IL1RAPL1: variants seen among roughly 807,000 people sequenced by gnomAD.
The protein encoded by IL1RAPL1 is interleukin-1 receptor accessory protein-like 1.
Under a neutral mutation model 48.4 loss-of-function variants are expected in IL1RAPL1, and 3 were observed. The observed-to-expected ratio is 0.06, with a 90% confidence interval of 0.03 to 0.16. IL1RAPL1 has a LOEUF of 0.16. IL1RAPL1 is among the 10% of genes least tolerant of loss of function. The pLI, the probability that IL1RAPL1 is intolerant of heterozygous loss-of-function variation, is 1.00. For missense variants in IL1RAPL1, 349 were observed against 530.6 expected, an observed-to-expected ratio of 0.66 and a Z score of 3.36; for synonymous variants, 185 against 187.7, an observed-to-expected ratio of 0.99 and a Z score of 0.12.
At chrX:29,457,437 G>A (rs1044818513) in intron 5 of IL1RAPL1, among the ~76,000 whole-genome samples, 11 of 111,225 alleles carry the variant, frequency 9.9e-5, no homozygotes, top group African/African-American at 3.6e-4. Context: ...AGAACATGCG[G>A]TCTTTGGTTT....
At chrX:29,366,553 ATTTTTTTTTTTTTTTTT>A (rs34164964) in intron 3 of IL1RAPL1, among the ~76,000 whole-genome samples, 6 of 37,258 alleles carry the variant, frequency 1.6e-4, no homozygotes, top group Admixed American at 9.0e-4. Flanking sequence ...TGATAGGTCA[ATTTTTTTTTTTTTTTTT>A]TTTTTTTTTT....
At chrX:29,767,212 T>C (rs1411380864) in intron 6 of IL1RAPL1, among the ~76,000 whole-genome samples, 2 of 112,387 alleles carry the variant, frequency 1.8e-5, no homozygotes, top group African/African-American at 6.5e-5. Context: ...TGAAGAAGCA[T>C]GTATTTATAC....
chrX:28,863,496 A>G (rs1017144573), intron 2 of IL1RAPL1, among the ~76,000 whole-genome samples: 2 of 102,907 alleles, frequency 1.9e-5, no homozygotes, highest in African/African-American at 7.2e-5. Context: ...AGGGTTTGTT[A>G]TGAGGATTAT....
chrX:29,704,904 C>A (rs1927151895), intron 6 of IL1RAPL1, among the ~76,000 whole-genome samples: 1 of 110,616 alleles, frequency 9.0e-6, no homozygotes, highest in Non-Finnish European at 1.9e-5. Flanking sequence ...AGAATTCTAC[C>A]TTTCAATTTT....
chrX:29,858,091 T>C lies in IL1RAPL1; in HGVS notation c.779-59373T>C, dbSNP rs756489231. 5.4e-5 allele frequency among the ~76,000 whole-genome samples: 6 copies of C among 111,582 alleles called. No homozygotes were observed. In the South Asian group the frequency reaches 1.1e-3, roughly 21 times the overall value. ...TAATCCTTATGCCAAAGTGGCATAG[T>C]TGAGGGTAGCAAATTGTGCCACCCT... On this transcript the variant is annotated intron_variant, in intron 6 of 10. Coordinates refer to ENST00000378993, the MANE Select transcript of IL1RAPL1 (RefSeq NM_014271.4).
intron 2 of IL1RAPL1, among the ~76,000 whole-genome samples, chrX:28,795,190 T>A (rs1468262587): frequency 2.7e-5 from 3 of 111,595 alleles, no homozygotes; most frequent in Non-Finnish European, 5.7e-5. Context: ...GGAAAAAAAA[T>A]TCTCCTATTT....
At chrX:29,112,084 C>T (rs1374955154) in intron 2 of IL1RAPL1, among the ~76,000 whole-genome samples, 2 of 109,071 alleles carry the variant, frequency 1.8e-5, no homozygotes, top group East Asian at 5.8e-4. Flanking sequence ...CAGGCACCAC[C>T]ACGCCCGGCT....
intron 3 of IL1RAPL1, among the ~76,000 whole-genome samples, chrX:29,367,656 G>C (rs1301883753): frequency 2.8e-5 from 3 of 107,929 alleles, no homozygotes; most frequent in South Asian, 3.9e-4. Context: ...TATTGGCTCA[G>C]TGCAACCTCT....
intron 2 of IL1RAPL1, among the ~76,000 whole-genome samples, chrX:29,161,139 A>T (rs1274489192): frequency 9.0e-6 from 1 of 111,249 alleles, no homozygotes; most frequent in Non-Finnish European, 1.9e-5. Context: ...TACAGCAGGG[A>T]TACATGGCCT....
At chrX:29,862,480 A>G (rs1443012472) in intron 6 of IL1RAPL1, among the ~76,000 whole-genome samples, 6 of 111,151 alleles carry the variant, frequency 5.4e-5, no homozygotes, top group Non-Finnish European at 9.4e-5. Flanking sequence ...AGAAAGTACT[A>G]TAGGCAAAAA....
intron 2 of IL1RAPL1, among the ~76,000 whole-genome samples, chrX:29,181,220 A>T: frequency 9.0e-6 from 1 of 111,081 alleles, no homozygotes; most frequent in Admixed American, 9.6e-5. Context: ...TCTGATGAGG[A>T]TTATATAATA....
At chrX:29,733,306 G>A (rs746576121) in intron 6 of IL1RAPL1, among the ~76,000 whole-genome samples, 11 of 111,847 alleles carry the variant, frequency 9.8e-5, no homozygotes, top group African/African-American at 1.6e-4. Context: ...AAACAAGGAC[G>A]ACTTCTTCCT....
chrX:29,748,922 A>G (rs996456673), intron 6 of IL1RAPL1, among the ~76,000 whole-genome samples: 4 of 112,597 alleles, frequency 3.6e-5, no homozygotes, highest in Non-Finnish European at 5.6e-5. Flanking sequence ...AAAAGTCTGG[A>G]GACAGATTGA....
intron 5 of IL1RAPL1, among the ~76,000 whole-genome samples, chrX:29,531,552 A>G (rs1023684646): frequency 8.9e-6 from 1 of 111,884 alleles, no homozygotes; most frequent in African/African-American, 3.3e-5. Flanking sequence ...CATGAATGAA[A>G]CCGAACGCAG....
intron 3 of IL1RAPL1, among the ~76,000 whole-genome samples, chrX:29,312,011 A>G (rs1007146485): frequency 8.9e-6 from 1 of 112,166 alleles, no homozygotes; most frequent in African/African-American, 3.2e-5. Context: ...ATCAAGAGAT[A>G]ATTACACACA....
intron 3 of IL1RAPL1, among the ~76,000 whole-genome samples, chrX:29,357,245 A>G (rs1933317624): frequency 8.9e-6 from 1 of 112,129 alleles, no homozygotes; most frequent in Non-Finnish European, 1.9e-5. Context: ...TGTCATAATT[A>G]TTGTCCAAAC....
chrX:29,046,862 T>C (rs192712003), intron 2 of IL1RAPL1, among the ~76,000 whole-genome samples: 43 of 112,289 alleles, frequency 3.8e-4, no homozygotes, highest in Admixed American at 3.4e-3. Flanking sequence ...ATGGCTAAAG[T>C]GCTCACAGCC....
At chrX:29,944,933 C>T (rs778233904) in intron 9 of IL1RAPL1, among the ~76,000 whole-genome samples, 7 of 110,230 alleles carry the variant, frequency 6.4e-5, no homozygotes, top group Non-Finnish European at 9.5e-5. Context: ...CTCGGCTACA[C>T]GCATACCCAC....
chrX:28,722,437 A>G (rs2146940821), intron 1 of IL1RAPL1, among the ~76,000 whole-genome samples: 1 of 111,572 alleles, frequency 9.0e-6, no homozygotes, highest in East Asian at 2.8e-4. Context: ...TTGCACATTG[A>G]TTTTGTATCT....
Sources: allele counts gnomAD v4.1 joint callset (sites outside exome capture counted in the v4.1 genomes callset), GRCh38; gene constraint gnomAD v4.1.1; transcripts MANE v1.5; gene names NCBI Gene and HGNC (gene_info 2026-07-23, HGNC 2026-07-21).